NXPE2: variants seen among roughly 807,000 people sequenced by gnomAD.
NXPE2 encodes the protein NXPE family member 2.
NXPE2 carries 34 observed loss-of-function variants against 34.4 expected under a neutral mutation model. The ratio of observed to expected loss-of-function variants is 0.99; its 90% confidence interval spans 0.75 to 1.31. The LOEUF (loss-of-function observed/expected upper bound fraction) is 1.31, where lower values mean the gene tolerates loss of function less well. NXPE2 is among the 40% of genes most tolerant of loss of function. NXPE2 has a pLI of 0.00. For synonymous variants in NXPE2, 235 were observed against 231.3 expected, an observed-to-expected ratio of 1.02 and a Z score of -0.15; for missense variants, 649 against 672.5, an observed-to-expected ratio of 0.97 and a Z score of 0.39.
chr11:114,669,633 T>C, the NXPE2 span, among the ~76,000 whole-genome samples: 1 of 152,004 alleles, frequency 6.6e-6, no homozygotes, highest in Non-Finnish European at 1.5e-5. Context: ...AGTGTCACCC[T>C]GAGAAATGGG....
At chr11:114,532,768 A>C in the NXPE2 span, among the ~76,000 whole-genome samples, 1 of 152,158 alleles carries the variant, frequency 6.6e-6, no homozygotes, top group African/African-American at 2.4e-5. Flanking sequence ...GATTAGATAA[A>C]TATATACAGG....
chr11:114,749,957 C>T, the NXPE2 span, among the ~76,000 whole-genome samples: 7 of 152,168 alleles, frequency 4.6e-5, no homozygotes, highest in Admixed American at 4.6e-4. Flanking sequence ...TGTAGACTCT[C>T]TTCTCTCCTT....
intron 2 of NXPE2, among the ~76,000 whole-genome samples, chr11:114,692,734 C>A (rs912690945): frequency 2.6e-5 from 4 of 152,230 alleles, no homozygotes; most frequent in African/African-American, 9.6e-5. Flanking sequence ...TGTTTCTTCT[C>A]TGATGAATCC....
At chr11:114,702,469 C>G (rs1471731765) in intron 3 of NXPE2, among the ~76,000 whole-genome samples, 2 of 152,144 alleles carry the variant, frequency 1.3e-5, no homozygotes, top group Non-Finnish European at 2.9e-5. Flanking sequence ...ACAAATCTTA[C>G]TCTTGTGCCA....
At chr11:114,796,555 A>G in the NXPE2 span, among the ~76,000 whole-genome samples, 1 of 152,226 alleles carries the variant, frequency 6.6e-6, no homozygotes, top group Non-Finnish European at 1.5e-5. Context: ...TTCTGTGTCC[A>G]ATATGTAATA....
At chr11:114,479,690 G>A in the NXPE2 span, among the ~76,000 whole-genome samples, 1 of 152,156 alleles carries the variant, frequency 6.6e-6, no homozygotes, top group African/African-American at 2.4e-5. Context: ...AGGAGACAGG[G>A]CTGGAGTTTG....
the NXPE2 span, among the ~76,000 whole-genome samples, chr11:114,590,394 C>T: frequency 6.6e-6 from 1 of 152,170 alleles, no homozygotes; most frequent in Non-Finnish European, 1.5e-5. Flanking sequence ...TTCCCCCTCC[C>T]TAAAATCCTC....
chr11:114,537,992 CA>C, the NXPE2 span, among the ~76,000 whole-genome samples: 1 of 152,188 alleles, frequency 6.6e-6, no homozygotes, highest in African/African-American at 2.4e-5. Context: ...GCCAAAAGAA[CA>C]AAGCTGGAGG....
the NXPE2 span, among the ~76,000 whole-genome samples, chr11:114,491,593 C>T: frequency 1.3e-5 from 2 of 152,136 alleles, no homozygotes; most frequent in Admixed American, 1.3e-4. Context: ...TTGTGGAAGT[C>T]AGTGTGGCGA....
chr11:114,731,860 G>A, the NXPE2 span, among the ~76,000 whole-genome samples: 5 of 152,068 alleles, frequency 3.3e-5, no homozygotes, highest in Admixed American at 2.6e-4. Flanking sequence ...GTATACTTTC[G>A]TATTATGTTA....
chr11:114,531,625 C>T, the NXPE2 span, among the ~76,000 whole-genome samples: 1 of 152,186 alleles, frequency 6.6e-6, no homozygotes, highest in Admixed American at 6.6e-5. Flanking sequence ...ATTTTCAACT[C>T]TACTTCTTGC....
chr11:114,505,902 G>A, the NXPE2 span, among the ~76,000 whole-genome samples: 1 of 151,886 alleles, frequency 6.6e-6, no homozygotes, highest in South Asian at 2.1e-4. Flanking sequence ...TGGGCTAAAT[G>A]CCCCATTTAA....
At chr11:114,769,973 G>A in the NXPE2 span, among the ~76,000 whole-genome samples, 1 of 152,090 alleles carries the variant, frequency 6.6e-6, no homozygotes, top group African/African-American at 2.4e-5. Flanking sequence ...TGAAAAGAAA[G>A]ACAAAAAGAA....
chr11:114,719,118 GT>G, the NXPE2 span, among the ~76,000 whole-genome samples: 3 of 152,064 alleles, frequency 2.0e-5, no homozygotes, highest in African/African-American at 4.8e-5. Flanking sequence ...TTCTTCTGTT[GT>G]TTTTTATTAG....
the NXPE2 span, among the ~76,000 whole-genome samples, chr11:114,538,949 A>T: frequency 6.6e-6 from 1 of 152,172 alleles, no homozygotes; most frequent in Non-Finnish European, 1.5e-5. Flanking sequence ...TACCCAAAGG[A>T]TTATAAATCA....
the NXPE2 span, among the ~76,000 whole-genome samples, chr11:114,662,444 T>C: frequency 6.6e-6 from 1 of 152,184 alleles, no homozygotes; most frequent in Non-Finnish European, 1.5e-5. Context: ...GGACTCTAAC[T>C]AAACTTGAAA....
chr11:114,674,119 AAACAAAC>A (rs146909698), upstream of NXPE2, among the ~76,000 whole-genome samples: 49,118 of 139,982 alleles, frequency 0.35, 8,302 homozygotes, highest in East Asian at 0.49. Flanking sequence ...ACAAACAAAC[AAACAAAC>A]AAGTGAACAA....
the NXPE2 span, among the ~76,000 whole-genome samples, chr11:114,560,297 G>C: frequency 2.7e-5 from 4 of 147,748 alleles, no homozygotes; most frequent in Non-Finnish European, 5.9e-5. Context: ...TTTGGACAAG[G>C]TTTTGCTCTG....
chr11:114,569,467 G>T, the NXPE2 span, among the ~76,000 whole-genome samples: 3 of 152,146 alleles, frequency 2.0e-5, no homozygotes, highest in African/African-American at 7.2e-5. Flanking sequence ...GCTCACCCAG[G>T]ATTCCATATA....
Sources: allele counts gnomAD v4.1 joint callset (sites outside exome capture counted in the v4.1 genomes callset), GRCh38; gene constraint gnomAD v4.1.1; transcripts MANE v1.5; gene names NCBI Gene and HGNC (gene_info 2026-07-23, HGNC 2026-07-21).